CAMK4: variants seen among roughly 807,000 people sequenced by gnomAD.
The protein encoded by CAMK4 is calcium/calmodulin dependent protein kinase IV.
A neutral mutation model predicts 44.9 loss-of-function variants in CAMK4; 22 were observed. The observed-to-expected ratio is 0.49, with a 90% CI of 0.35 to 0.70. The LOEUF (loss-of-function observed/expected upper bound fraction) is 0.70, where lower values mean the gene tolerates loss of function less well. Ranked by LOEUF, CAMK4 falls within the 30% of genes least tolerant of loss-of-function variation. The pLI is 0.01. For synonymous variants in CAMK4, 218 were observed against 215.4 expected (o/e 1.01, Z -0.11); for missense variants, 498 against 586.8 (o/e 0.85, Z 1.56).
At chr5:111,314,637 C>T (rs543540814) in intron 1 of CAMK4, among the ~76,000 whole-genome samples, 77 of 151,960 alleles carry the variant, frequency 5.1e-4, no homozygotes, top group African/African-American at 1.7e-3. Flanking sequence ...AATTAGTTCC[C>T]ACCAATATAA....
At chr5:111,323,940 T>C (rs564118196) in intron 1 of CAMK4, among the ~76,000 whole-genome samples, 80 of 152,126 alleles carry the variant, frequency 5.3e-4, no homozygotes, top group African/African-American at 1.7e-3. Context: ...AAATATAGGA[T>C]AATAACAGTC....
intron 1 of CAMK4, among the ~76,000 whole-genome samples, chr5:111,261,544 C>A (rs1749975616): frequency 6.7e-6 from 1 of 149,302 alleles, no homozygotes; most frequent in Admixed American, 6.6e-5. Flanking sequence ...TTATAGTTTC[C>A]TTCTCTGACC....
intron 5 of CAMK4, among the ~76,000 whole-genome samples, chr5:111,437,899 C>A (rs1287515505): frequency 2.6e-5 from 4 of 152,074 alleles, no homozygotes; most frequent in Non-Finnish European, 5.9e-5. Context: ...AAGAAATGGC[C>A]TGATTCCCTG....
At chr5:111,308,705 C>G (rs1748053622) in intron 1 of CAMK4, among the ~76,000 whole-genome samples, 1 of 152,140 alleles carries the variant, frequency 6.6e-6, no homozygotes. Context: ...CTCCTAGAAT[C>G]ATTTATGTTA....
chr5:111,356,854 C>G (rs1404104541), intron 2 of CAMK4, among the ~76,000 whole-genome samples: 1 of 152,002 alleles, frequency 6.6e-6, no homozygotes, highest in East Asian at 1.9e-4. Flanking sequence ...TGTTCATCTT[C>G]TCATTATATC....
At chr5:111,468,296 C>G (rs1026495230) in intron 7 of CAMK4, among the ~76,000 whole-genome samples, 3 of 152,100 alleles carry the variant, frequency 2.0e-5, no homozygotes, top group Non-Finnish European at 1.5e-5. Flanking sequence ...GACCAAACAC[C>G]TCCTATTTTC....
chr5:111,344,152 A>G, intron 2 of CAMK4, 50 bp downstream of exon 2: 1 of 1,077,196 alleles, frequency 9.3e-7, no homozygotes, highest in East Asian at 2.4e-5. Flanking sequence ...TGTGACCTGG[A>G]GAAGGCAGGA....
At position 111,238,657 on chromosome 5, in the gene CAMK4, G is replaced by A. The variant is rs1039182118; in HGVS notation, c.161+14013G>A. ...CCCCATTTGGCACCTGTCTGACGTC[G>A]CAGTTTGAGGAGTGATCTGCTCTTC... On this transcript the variant is annotated intron_variant, in intron 1 of 10. Coordinates refer to ENST00000282356, the MANE Select transcript of CAMK4 (RefSeq NM_001744.6). Among the ~76,000 whole-genome samples the A allele has an allele frequency of 7.3e-5, 11 of 150,596 alleles. 1 individual carries two copies. Among genetic ancestry groups the A allele is most frequent in the East Asian group, 1.9e-4 (1 of 5,130 alleles).
intron 2 of CAMK4, among the ~76,000 whole-genome samples, chr5:111,372,915 G>T (rs1751066865): frequency 6.6e-6 from 1 of 152,068 alleles, no homozygotes. Context: ...AGTCTTCCCT[G>T]TTATATAATG....
intron 1 of CAMK4, among the ~76,000 whole-genome samples, chr5:111,311,594 C>T (rs1170926599): frequency 2.0e-5 from 3 of 152,110 alleles, no homozygotes; most frequent in African/African-American, 7.2e-5. Flanking sequence ...CAGAGCTGGC[C>T]TCACACCCTC....
chr5:111,334,175 A>T (rs1300741939), intron 1 of CAMK4, among the ~76,000 whole-genome samples: 1 of 151,584 alleles, frequency 6.6e-6, no homozygotes, highest in African/African-American at 2.4e-5. Flanking sequence ...TAGGAGTGTA[A>T]TATTTAACTG....
In CAMK4 at chr5:111,248,744, C is replaced by T. The variant is rs1487397347; in HGVS notation, c.161+24100C>T. ...AGATCAAACAGAGATGAGGTTTGCTCTTCTGTAATATATCAGTAATGTCAT... is the reference window on the plus strand; with the variant it reads ...AGATCAAACAGAGATGAGGTTTGCTTTTCTGTAATATATCAGTAATGTCAT... On this transcript the variant is annotated intron_variant, in intron 1 of 10. Transcript: ENST00000282356. Among the ~76,000 whole-genome samples, 7 of 152,192 alleles carry T rather than the reference C, an allele frequency of 4.6e-5. No homozygotes were observed. The East Asian group carries it at 9.6e-4, about 21-fold the overall frequency.
intron 2 of CAMK4, among the ~76,000 whole-genome samples, chr5:111,370,900 C>T (rs970398467): frequency 2.2e-5 from 3 of 137,318 alleles, no homozygotes; most frequent in African/African-American, 8.3e-5. Context: ...GGTGACAAAG[C>T]GAGACTCCAT....
intron 2 of CAMK4, among the ~76,000 whole-genome samples, chr5:111,348,640 CA>C (rs1189226300): frequency 6.6e-6 from 1 of 151,234 alleles, no homozygotes; most frequent in African/African-American, 2.4e-5. Context: ...TAAACAACAA[CA>C]AAAAAAATGG....
chr5:111,345,238 A>G (rs1749818255), intron 2 of CAMK4, among the ~76,000 whole-genome samples: 1 of 151,936 alleles, frequency 6.6e-6, no homozygotes, highest in Admixed American at 6.6e-5. Context: ...GCAAAATAAC[A>G]AAAACAATTT....
intron 5 of CAMK4, among the ~76,000 whole-genome samples, chr5:111,429,982 C>A (rs531004114): frequency 1.3e-5 from 2 of 150,492 alleles, no homozygotes; most frequent in African/African-American, 4.9e-5. Flanking sequence ...GCCATTATTT[C>A]CCTGATACCA....
chr5:111,296,409 A>T (rs937209791), intron 1 of CAMK4, among the ~76,000 whole-genome samples: 1 of 152,202 alleles, frequency 6.6e-6, no homozygotes, highest in Non-Finnish European at 1.5e-5. Flanking sequence ...TTCATTAGGG[A>T]TGAATGTTTG....
intron 1 of CAMK4, among the ~76,000 whole-genome samples, chr5:111,277,205 T>C (rs753750249): frequency 2.0e-5 from 3 of 152,246 alleles, no homozygotes; most frequent in Non-Finnish European, 4.4e-5. Context: ...CTGGAAGTAT[T>C]TGAATCCTTG....
chr5:111,360,460 A>G (rs1750546894), intron 2 of CAMK4, among the ~76,000 whole-genome samples: 1 of 152,098 alleles, frequency 6.6e-6, no homozygotes, highest in Non-Finnish European at 1.5e-5. Flanking sequence ...GCCAATAAAT[A>G]CTGAACACAC....
Sources: allele counts gnomAD v4.1 joint callset (sites outside exome capture counted in the v4.1 genomes callset), GRCh38; gene constraint gnomAD v4.1.1; transcripts MANE v1.5; gene names NCBI Gene and HGNC (gene_info 2026-07-23, HGNC 2026-07-21).